RALGAPA2: variants seen among roughly 807,000 people sequenced by gnomAD.
RALGAPA2 encodes ral GTPase-activating protein subunit alpha-2.
Under a neutral mutation model 230.4 loss-of-function variants are expected in RALGAPA2, and 139 were observed. The observed-to-expected ratio is 0.60, with a 90% CI of 0.53 to 0.69. The LOEUF is 0.69. RALGAPA2 is among the 30% of genes least tolerant of loss of function. The probability of loss-of-function intolerance (pLI) is 0.00; values close to 1 mark genes in which losing one functional copy is unlikely to be tolerated. For synonymous variants in RALGAPA2, 847 were observed against 837.8 expected, an observed-to-expected ratio of 1.01 and a Z score of -0.19; for missense variants, 2,163 against 2,276.0, an observed-to-expected ratio of 0.95 and a Z score of 1.01.
chr20:20,480,479 T>C (rs1391061512), intron 36 of RALGAPA2, among the ~76,000 whole-genome samples: 1 of 152,184 alleles, frequency 6.6e-6, no homozygotes, highest in Non-Finnish European at 1.5e-5. Flanking sequence ...CCTATCCCTA[T>C]GATGATAGTC....
At chr20:20,457,470 T>C (rs554659986) in intron 37 of RALGAPA2, among the ~76,000 whole-genome samples, 1 of 152,308 alleles carries the variant, frequency 6.6e-6, no homozygotes, top group South Asian at 2.1e-4. Context: ...GAAAGACAAA[T>C]GTCCTAAATT....
At chr20:20,410,061 C>T (rs918369091) in intron 38 of RALGAPA2, among the ~76,000 whole-genome samples, 2 of 152,146 alleles carry the variant, frequency 1.3e-5, no homozygotes, top group Non-Finnish European at 2.9e-5. Context: ...TTTGGTTTCA[C>T]GTTCCTTTTA....
At chr20:20,709,029 A>G (rs532445720) in intron 1 of RALGAPA2, among the ~76,000 whole-genome samples, 1 of 152,200 alleles carries the variant, frequency 6.6e-6, no homozygotes, top group African/African-American at 2.4e-5. Flanking sequence ...CAAAAAATAC[A>G]AAAATCTGGC....
At chr20:20,411,657 C>T (rs937295665) in intron 38 of RALGAPA2, among the ~76,000 whole-genome samples, 23 of 152,200 alleles carry the variant, frequency 1.5e-4, no homozygotes, top group Admixed American at 1.3e-3. Context: ...TTAGTAGCAA[C>T]GGCTTCCACT....
intron 37 of RALGAPA2, among the ~76,000 whole-genome samples, chr20:20,421,322 C>T (rs535972035): frequency 7.2e-5 from 11 of 152,254 alleles, no homozygotes; most frequent in South Asian, 2.1e-4. Flanking sequence ...CCAGTGAGGA[C>T]GATGAGAAGA....
intron 10 of RALGAPA2, among the ~76,000 whole-genome samples, chr20:20,629,017 GT>G (rs1271902611): frequency 6.6e-6 from 1 of 152,174 alleles, no homozygotes; most frequent in Admixed American, 6.5e-5. Context: ...TCTTTGCTAT[GT>G]TCATTTGTTG....
chr20:20,645,160 G>A (rs562233765), intron 4 of RALGAPA2, among the ~76,000 whole-genome samples: 3 of 139,496 alleles, frequency 2.2e-5, no homozygotes, highest in East Asian at 4.2e-4. Flanking sequence ...TGTCGCTCAG[G>A]CTGGAGTGCA....
At chr20:20,653,743 T>C (rs966544338) in intron 3 of RALGAPA2, among the ~76,000 whole-genome samples, 156 bp from the exon 4 acceptor site, 1 of 152,220 alleles carries the variant, frequency 6.6e-6, no homozygotes, top group Non-Finnish European at 1.5e-5. Flanking sequence ...TCCTATGAGA[T>C]AGTTTCTTTC....
chr20:20,691,952 T>C (rs540690759), intron 1 of RALGAPA2, among the ~76,000 whole-genome samples: 10 of 152,178 alleles, frequency 6.6e-5, no homozygotes, highest in Admixed American at 3.3e-4. Context: ...CTGAGTTCTC[T>C]ATTAGTTCCC....
intron 3 of RALGAPA2, among the ~76,000 whole-genome samples, chr20:20,660,149 G>A (rs1324128154): frequency 1.3e-5 from 2 of 151,820 alleles, no homozygotes; most frequent in Admixed American, 6.6e-5. Flanking sequence ...TCTCACTTAA[G>A]CCTGGGAGGC....
intron 20 of RALGAPA2, among the ~76,000 whole-genome samples, chr20:20,578,675 C>A (rs2064894103): frequency 6.6e-6 from 1 of 152,202 alleles, no homozygotes; most frequent in East Asian, 1.9e-4. Context: ...AGAAATGTAG[C>A]CTCGGTCTCT....
At chr20:20,404,580 C>T (rs1408428480) in intron 38 of RALGAPA2, among the ~76,000 whole-genome samples, 1 of 152,114 alleles carries the variant, frequency 6.6e-6, no homozygotes, top group East Asian at 1.9e-4. Flanking sequence ...AATGTGAACC[C>T]GGGGTGTCGG....
chr20:20,579,922 A>G (rs1354671437), intron 20 of RALGAPA2, among the ~76,000 whole-genome samples: 2 of 152,082 alleles, frequency 1.3e-5, no homozygotes, highest in East Asian at 3.9e-4. Flanking sequence ...CCATCCGTCT[A>G]TTTGTCTATC....
chr20:20,500,859 A>G (rs186142822), intron 35 of RALGAPA2, among the ~76,000 whole-genome samples: 3 of 152,362 alleles, frequency 2.0e-5, no homozygotes, highest in Admixed American at 2.0e-4. Flanking sequence ...GGGTTGCAGA[A>G]TATGGATATT....
rs143156159 is a variant in RALGAPA2 at position 20,527,046 on chromosome 20, T to C, written c.3583-684A>G. Among the ~76,000 whole-genome samples, 565 of 152,324 alleles carry C rather than the reference T, an allele frequency of 3.7e-3. 1 individual carries two copies. The highest frequency in any genetic ancestry group is 5.5e-3 in the Non-Finnish European group (371 of 68,030). On this transcript the variant is annotated intron_variant, in intron 27 of 39. Transcript: ENST00000202677. Reference sequence around the variant, plus strand: ...GGGCAGCACCTTCAAGGTCTTACTTTTTCATGCTGGGAGAGCACAGAAGGG... The same window carrying C: ...GGGCAGCACCTTCAAGGTCTTACTTCTTCATGCTGGGAGAGCACAGAAGGG...
intron 33 of RALGAPA2, among the ~76,000 whole-genome samples, chr20:20,506,724 T>C (rs149512228): frequency 9.3e-4 from 141 of 152,346 alleles, no homozygotes; most frequent in Middle Eastern, 3.4e-3. Context: ...ACATTGTAAT[T>C]TGATTAGATA....
intron 1 of RALGAPA2, among the ~76,000 whole-genome samples, chr20:20,683,303 T>C (rs1437892404): frequency 1.3e-5 from 2 of 152,126 alleles, no homozygotes; most frequent in Non-Finnish European, 2.9e-5. Context: ...CCATTCCCCA[T>C]AGCGGCCAAC....
At chr20:20,656,120 C>G (rs1371097793) in intron 3 of RALGAPA2, among the ~76,000 whole-genome samples, 2 of 152,120 alleles carry the variant, frequency 1.3e-5, no homozygotes, top group Non-Finnish European at 2.9e-5. Flanking sequence ...CATGAGAGCT[C>G]TCTTTTGAGA....
At chr20:20,706,069 T>C (rs2069590049) in intron 1 of RALGAPA2, among the ~76,000 whole-genome samples, 1 of 152,248 alleles carries the variant, frequency 6.6e-6, no homozygotes, top group Non-Finnish European at 1.5e-5. Context: ...ATTATGCCTG[T>C]CCACAAATAA....
Sources: gnomAD v4.1 joint callset for allele counts (sites outside exome capture counted in the v4.1 genomes callset) on GRCh38, gnomAD v4.1.1 for gene constraint, MANE v1.5 for transcripts, NCBI Gene and HGNC (gene_info 2026-07-23, HGNC 2026-07-21) for gene names.